The following FNDC1 variants were observed in gnomAD, a reference collection of about 807,000 sequenced individuals.
FNDC1 encodes the protein fibronectin type III domain-containing protein 1.
FNDC1 carries 96 observed loss-of-function variants against 168.0 expected under a neutral mutation model. The observed-to-expected ratio is 0.57, with a 90% CI of 0.48 to 0.68. The LOEUF (loss-of-function observed/expected upper bound fraction) is 0.68, where lower values mean the gene tolerates loss of function less well. Among genes scored for constraint, FNDC1 ranks in the 30% least tolerant of loss-of-function variants. The pLI, the probability that FNDC1 is intolerant of heterozygous loss-of-function variation, is 0.00. For synonymous variants in FNDC1, 1,099 were observed against 1,025.9 expected (o/e 1.07, Z -1.36); for missense variants, 2,587 against 2,482.1 (o/e 1.04, Z -0.90).
In FNDC1 at chr6:159,197,503, C is replaced by A. The variant is rs1183184726; in HGVS notation, c.182C>A (p.Pro61Gln). 1.2e-6 allele frequency: 2 copies of A among 1,613,868 alleles called. No individual in the cohort carries two copies. The highest frequency in any genetic ancestry group is 2.7e-5 in the African/African-American group (2 of 74,932). ...TKMGLKVTWD[P>Q]PKDATSRPVE... ...ATGGGCCTGAAAGTCACGTGGGACC[C>A]ACCCAAAGATGCTACCAGTAGACCT... Residue 61 changes from proline to glutamine, a missense_variant, in exon 2 of 23, where the codon CCA (proline) becomes CAA (glutamine). Transcript: ENST00000297267.
intron 12 of FNDC1, 116 bp from the exon 13 acceptor site, chr6:159,238,438 T>G: frequency 1.5e-6 from 1 of 655,880 alleles, no homozygotes; most frequent in East Asian, 2.8e-5. Context: ...GAATGTCTTC[T>G]ACTCACATTA....
Position 159,264,994 on chromosome 6 carries a change from G to A in FNDC1, c.5274G>A (p.Val1758=). Residue 1758 remains valine, a synonymous_variant, in exon 20 of 23, where the codon GTG becomes GTA. Transcript: ENST00000297267. ...VTESDNPLLV[V]RPPGGEPIWI... The stretch of plus-strand genomic sequence containing the variant: ...CTACAGATAATCCTCTGCTTGTTGT[G>A]AGGCCCCCAGGTAAGTTTATGTTCT... 6.2e-7 allele frequency: 1 copy of A among 1,606,326 alleles called. No individual in the cohort carries two copies.
At chr6:159,220,680 T>C (rs2114974647) in intron 5 of FNDC1, among the ~76,000 whole-genome samples, 1 of 152,370 alleles carries the variant, frequency 6.6e-6, no homozygotes, top group South Asian at 2.1e-4. Context: ...ACAAGTTTTG[T>C]TCCATCATTG....
At chr6:159,238,133 T>G (rs921222141) in intron 12 of FNDC1, among the ~76,000 whole-genome samples, 1 of 150,734 alleles carries the variant, frequency 6.6e-6, no homozygotes, top group East Asian at 1.9e-4. Flanking sequence ...AGTCTTGCCC[T>G]GTCACACAGG....
chr6:159,268,505 G>C (rs1443814882), intron 22 of FNDC1, among the ~76,000 whole-genome samples: 1 of 152,112 alleles, frequency 6.6e-6, no homozygotes, highest in African/African-American at 2.4e-5. Flanking sequence ...AGTAAAATAA[G>C]CATATTAGTC....
chr6:159,186,188 G>A (rs1781994777), intron 1 of FNDC1, among the ~76,000 whole-genome samples: 1 of 152,060 alleles, frequency 6.6e-6, no homozygotes, highest in African/African-American at 2.4e-5. Flanking sequence ...TTTCTGCTTT[G>A]TAGATCTTTT....
chr6:159,192,512 G>A (rs412690), intron 1 of FNDC1, among the ~76,000 whole-genome samples: 37,909 of 151,896 alleles, frequency 0.25, 5,439 homozygotes, highest in East Asian at 0.63. Flanking sequence ...GCCTATTTTC[G>A]TCCACCATGG....
chr6:159,177,971 A>G (rs1781800376), intron 1 of FNDC1, among the ~76,000 whole-genome samples: 1 of 152,250 alleles, frequency 6.6e-6, no homozygotes, highest in African/African-American at 2.4e-5. Context: ...TGAGATAGTC[A>G]TAGATTCCTG....
intron 17 of FNDC1, among the ~76,000 whole-genome samples, chr6:159,254,743 TC>T (rs1367421780): frequency 2.7e-5 from 4 of 148,180 alleles, no homozygotes; most frequent in African/African-American, 9.9e-5. Flanking sequence ...AGACTCATGA[TC>T]CTTCCCATCC....
At chr6:159,263,068 C>T (rs1388063246) in intron 19 of FNDC1, among the ~76,000 whole-genome samples, 3 of 152,244 alleles carry the variant, frequency 2.0e-5, no homozygotes, top group Non-Finnish European at 4.4e-5. Context: ...GTGACACAGG[C>T]TGTGCCATGA....
In FNDC1 at chr6:159,271,353, C is replaced by T. The variant is rs1377608116; in HGVS notation, c.5596C>T (p.Pro1866Ser). 1 of 1,611,554 alleles carries T rather than the reference C, an allele frequency of 6.2e-7. No homozygotes were observed. The highest frequency in any genetic ancestry group is 1.1e-5 in the South Asian group (1 of 90,240). ...CTACTATCGCCAGTATCGTCAGGAG[C>T]CTGTCAGGTTTGGGAACATCGGCTT... ...QGYYRQYRQE[P>S]VRFGNIGFGT... The change falls in exon 23 of 23, where the codon CCT becomes TCT. Residue 1866 changes from proline (P) to serine (S), a missense_variant. Pro to Ser is a moderately conservative substitution (Grantham distance 74). Coordinates refer to ENST00000297267, the MANE Select transcript of FNDC1 (RefSeq NM_032532.3).
intron 1 of FNDC1, among the ~76,000 whole-genome samples, chr6:159,179,681 C>G (rs1781840781): frequency 6.6e-6 from 1 of 152,184 alleles, no homozygotes; most frequent in Admixed American, 6.5e-5. Flanking sequence ...ATTTGGCTAT[C>G]TTCCTTTGCT....
chr6:159,248,425 C>A (rs918065024), intron 15 of FNDC1, among the ~76,000 whole-genome samples: 1 of 152,036 alleles, frequency 6.6e-6, no homozygotes, highest in Non-Finnish European at 1.5e-5. Flanking sequence ...TTTGCCTCAG[C>A]CTCCTGAGTA....
chr6:159,211,754 G>A (rs1782611491), intron 4 of FNDC1, among the ~76,000 whole-genome samples: 1 of 152,102 alleles, frequency 6.6e-6, no homozygotes, highest in South Asian at 2.1e-4. Flanking sequence ...GGCACCGAAC[G>A]CTTTACATGG....
chr6:159,265,249 C>T (rs988128015), intron 20 of FNDC1, among the ~76,000 whole-genome samples: 2 of 152,158 alleles, frequency 1.3e-5, no homozygotes, highest in Admixed American at 6.5e-5. Flanking sequence ...GTAGCCAGTC[C>T]TATGAAACAG....
chr6:159,249,062 C>T lies in FNDC1; in HGVS notation c.4714C>T (p.Pro1572Ser). 5 of 1,601,450 alleles carry T rather than the reference C, an allele frequency of 3.1e-6. No individual in the cohort carries two copies. The highest frequency in any genetic ancestry group is 4.3e-6 in the Non-Finnish European group (5 of 1,173,854). Residue 1572 changes from proline (P) to serine (S), a missense_variant, in exon 16 of 23, where the codon CCA becomes TCA. Transcript: ENST00000297267. ...AGATTATGAATTTGAGACGTCAAGG[C>T]CACCAACCACCACTGAGCCTTCGAC... The part of the protein sequence containing the change: ...DEDYEFETSR[P>S]PTTTEPSTTA...
At position 159,233,486 on chromosome 6, in the gene FNDC1, G is replaced by A; in HGVS notation, c.2974G>A (p.Val992Ile). The A allele has an allele frequency of 6.2e-7, 1 of 1,604,836 alleles. No homozygotes were observed. The highest frequency in any genetic ancestry group is 8.5e-7 in the Non-Finnish European group (1 of 1,178,490). Residue 992 changes from valine (V) to isoleucine (I), a missense_variant, in exon 11 of 23, where the codon GTT becomes ATT. Physicochemically the swap from Val to Ile is conservative, Grantham distance 29. Coordinates refer to ENST00000297267, the MANE Select transcript of FNDC1 (RefSeq NM_032532.3). The surrounding 1 kb of genome is among the most constrained non-coding windows in gnomAD (Gnocchi z 4.6). ...AGCACGGTCACAGCAGCATCCCAGTGTTCCCAGAAGGATGACACCCGGCCG... is the reference window on the plus strand; with the variant it reads ...AGCACGGTCACAGCAGCATCCCAGTATTCCCAGAAGGATGACACCCGGCCG... Reference protein sequence around the residue: ...PAARSQQHPSVPRRMTPGRAP... With the variant: ...PAARSQQHPSIPRRMTPGRAP...
intron 5 of FNDC1, chr6:159,218,699 C>T (rs187128661): frequency 2.0e-5 from 3 of 152,248 alleles, no homozygotes; most frequent in Non-Finnish European, 4.4e-5. Context: ...CTAAACACGT[C>T]TTACTGGGCA....
At chr6:159,208,542 C>T (rs1262609048) in intron 4 of FNDC1, among the ~76,000 whole-genome samples, 2 of 152,222 alleles carry the variant, frequency 1.3e-5, no homozygotes, top group African/African-American at 2.4e-5. Context: ...TGACCACCGT[C>T]TTGGCATTCG....
Sources: gnomAD v4.1 joint callset for allele counts (sites outside exome capture counted in the v4.1 genomes callset) on GRCh38, gnomAD v4.1.1 for gene constraint, Gnocchi (gnomAD v3.1) non-coding constraint, MANE v1.5 for transcripts, NCBI Gene and HGNC (gene_info 2026-07-23, HGNC 2026-07-21) for gene names.